NUTF2: variants seen among roughly 807,000 people sequenced by gnomAD.
NUTF2 encodes the protein nuclear transport factor 2.
A neutral mutation model predicts 18.5 loss-of-function variants in NUTF2; 3 were observed. The ratio of observed to expected loss-of-function variants is 0.16; its 90% CI spans 0.07 to 0.42. The LOEUF (loss-of-function observed/expected upper bound fraction) is 0.42. Among genes scored for constraint, NUTF2 ranks in the 10% least tolerant of loss-of-function variants. NUTF2 has a pLI of 0.99. For synonymous variants in NUTF2, 51 were observed against 57.9 expected (o/e 0.88, Z 0.54); for missense variants, 44 against 160.7 (o/e 0.27, Z 3.93).
chr16:67,863,029 T>G (rs2057944956), intron 1 of NUTF2, among the ~76,000 whole-genome samples: 1 of 152,080 alleles, frequency 6.6e-6, no homozygotes, highest in Admixed American at 6.6e-5. Context: ...GCACATTGAG[T>G]GACTAAGCAT....
At chr16:67,855,321 C>T (rs898660321) in intron 1 of NUTF2, among the ~76,000 whole-genome samples, 5 of 152,164 alleles carry the variant, frequency 3.3e-5, no homozygotes, top group Non-Finnish European at 4.4e-5. Context: ...GTCTTAGTGG[C>T]CAAGGGAGAG....
At chr16:67,866,287 T>C (rs2057970856) in intron 2 of NUTF2, among the ~76,000 whole-genome samples, 1 of 152,026 alleles carries the variant, frequency 6.6e-6, no homozygotes, top group African/African-American at 2.4e-5. Flanking sequence ...AGATATTTGA[T>C]TGTCATTATC....
chr16:67,855,755 A>G (rs2057891340), intron 1 of NUTF2, among the ~76,000 whole-genome samples: 1 of 152,034 alleles, frequency 6.6e-6, no homozygotes, highest in Non-Finnish European at 1.5e-5. Flanking sequence ...CAGTTGTCCT[A>G]AGGTGTAAAG....
intron 1 of NUTF2, among the ~76,000 whole-genome samples, chr16:67,863,668 A>G (rs867597821): frequency 1.3e-5 from 2 of 152,156 alleles, no homozygotes; most frequent in African/African-American, 4.8e-5. Flanking sequence ...AGATCCCACC[A>G]CTGCGAATGC....
In NUTF2 at chr16:67,850,833, C is replaced by T. The variant is rs962384450; in HGVS notation, c.-30+3848C>T. Among the ~76,000 whole-genome samples the T allele has an allele frequency of 3.9e-5, 6 of 152,110 alleles. No homozygotes were observed. In the South Asian group the frequency reaches 1.2e-3, roughly 32 times the overall value. On this transcript the variant is annotated intron_variant, in intron 1 of 4. Coordinates refer to ENST00000219169, the MANE Select transcript of NUTF2 (RefSeq NM_005796.3). ...TATTTTTTTTTGAGACAGAGCCTCG[C>T]TCTGTTGCCCAGGCTGGAGTGCAGT...
At chr16:67,849,637 G>A (rs138338351) in intron 1 of NUTF2, among the ~76,000 whole-genome samples, 34 of 150,716 alleles carry the variant, frequency 2.3e-4, no homozygotes, top group Non-Finnish European at 4.1e-4. Flanking sequence ...CACTGATCCC[G>A]GCCTAATTTT....
At chr16:67,857,629 C>G (rs1343510802) in intron 1 of NUTF2, among the ~76,000 whole-genome samples, 1 of 152,176 alleles carries the variant, frequency 6.6e-6, no homozygotes, top group Non-Finnish European at 1.5e-5. Context: ...TCATTACCTC[C>G]TAACATCCTA....
intron 1 of NUTF2, chr16:67,855,994 GGT>G: frequency 8.0e-7 from 1 of 1,242,506 alleles, no homozygotes; most frequent in Non-Finnish European, 1.2e-6. Flanking sequence ...CAGCGGCCTT[GGT>G]GACCTTGAGC....
intron 4 of NUTF2, 155 bp downstream of exon 4, chr16:67,868,754 A>G (rs1395908131): frequency 9.6e-6 from 6 of 624,194 alleles, no homozygotes; most frequent in African/African-American, 1.8e-5. Flanking sequence ...CATTAGCCAC[A>G]TGTAGGTGGC....
In NUTF2 at chr16:67,870,935, A is replaced by G; in HGVS notation, c.*22A>G. 6.5e-7 allele frequency: 1 copy of G among 1,535,338 alleles called. No homozygotes were observed. Among genetic ancestry groups the G allele is most frequent in the South Asian group, 1.1e-5 (1 of 89,466 alleles). ...CTGACCTCCTCTCAGCTAGGCACTC[A>G]CGCTGTTTCCTCCTCCCTCCTCTTC... On this transcript the variant is annotated 3_prime_UTR_variant, in exon 5 of 5. Transcript: ENST00000219169.
chr16:67,866,313 T>G (rs1409203891), intron 2 of NUTF2, among the ~76,000 whole-genome samples: 1 of 151,476 alleles, frequency 6.6e-6, no homozygotes, highest in Non-Finnish European at 1.5e-5. Flanking sequence ...AGAGTTTTTT[T>G]TTTTTTTTTT....
At chr16:67,860,221 C>T (rs558835514) in intron 1 of NUTF2, among the ~76,000 whole-genome samples, 12 of 152,236 alleles carry the variant, frequency 7.9e-5, no homozygotes, top group Admixed American at 2.6e-4. Context: ...CCCTGTGATC[C>T]GCCCACCTTG....
chr16:67,853,854 C>G (rs1368654356), intron 1 of NUTF2, among the ~76,000 whole-genome samples: 1 of 151,844 alleles, frequency 6.6e-6, no homozygotes, highest in African/African-American at 2.4e-5. Context: ...ACTGTGTTGC[C>G]CAGGCTGGTC....
intron 4 of NUTF2, chr16:67,868,870 G>A: frequency 6.2e-6 from 2 of 325,040 alleles, no homozygotes; most frequent in Non-Finnish European, 1.2e-5. Flanking sequence ...GGCAGACACT[G>A]GTCTAGAGCC....
intron 1 of NUTF2, among the ~76,000 whole-genome samples, chr16:67,852,269 G>T (rs1014494276): frequency 2.0e-5 from 3 of 151,970 alleles, no homozygotes; most frequent in Admixed American, 2.0e-4. Flanking sequence ...CCACTGCACT[G>T]TAGCCTGGGG....
rs536575937 is a variant in NUTF2, at chr16:67,861,273, C to G, written c.-29-3829C>G. On this transcript the variant is annotated intron_variant, in intron 1 of 4. Coordinates refer to ENST00000219169, the MANE Select transcript of NUTF2 (RefSeq NM_005796.3). ...GTGGTTACAAACAAGTGCACATAAG[C>G]TCTTTGCACATTTCTGTGCCTCATA... is the stretch of plus-strand genomic sequence containing the variant. Among the ~76,000 whole-genome samples the G allele has an allele frequency of 4.9e-4, 75 of 152,352 alleles. No individual in the cohort carries two copies. The South Asian group carries it at 0.015, about 31-fold the overall frequency.
Position 67,867,837 on chromosome 16 carries a change from G to A in NUTF2, c.100-503G>A, listed in dbSNP as rs1452942691. Among the ~76,000 whole-genome samples, 3 of 152,118 alleles carry A rather than the reference G, an allele frequency of 2.0e-5. No homozygotes were observed. In the South Asian group the frequency reaches 6.2e-4, roughly 32 times the overall value. ...TAAGTAGCTGGGATTACAGGCGTGC[G>A]CCACCATGCCTGGATAATTTTTGCA... On this transcript the variant is annotated intron_variant, in intron 2 of 4. Coordinates refer to ENST00000219169, the MANE Select transcript of NUTF2 (RefSeq NM_005796.3).
At chr16:67,868,699 CCAGA>C (rs2057991622) in intron 4 of NUTF2, 100 bp downstream of exon 4, 1 of 1,117,106 alleles carries the variant, frequency 9.0e-7, no homozygotes, top group South Asian at 1.4e-5. Context: ...CTAGGGACAC[CCAGA>C]CAAAGTGACT....
intron 1 of NUTF2, among the ~76,000 whole-genome samples, chr16:67,858,409 C>T (rs1233601046): frequency 2.0e-5 from 3 of 152,196 alleles, no homozygotes; most frequent in African/African-American, 7.2e-5. Flanking sequence ...CTCAAGTGAT[C>T]TGCCTGCTCA....
Sources: allele counts gnomAD v4.1 joint callset (sites outside exome capture counted in the v4.1 genomes callset), GRCh38; gene constraint gnomAD v4.1.1; transcripts MANE v1.5; gene names NCBI Gene and HGNC (gene_info 2026-07-23, HGNC 2026-07-21).